The following GLIS3 variants were observed in gnomAD, a reference collection of about 807,000 sequenced individuals.
The protein encoded by GLIS3 is GLIS family zinc finger 3.
GLIS3 carries 53 observed loss-of-function variants against 78.6 expected under a neutral mutation model. The observed-to-expected ratio is 0.67, with a 90% confidence interval of 0.54 to 0.85. The LOEUF (loss-of-function observed/expected upper bound fraction) is 0.85, where lower values mean the gene tolerates loss of function less well. GLIS3 is among the 40% of genes least tolerant of loss of function. GLIS3 has a pLI of 0.00. For missense variants in GLIS3, 1,703 were observed against 1,231.1 expected, an observed-to-expected ratio of 1.38 and a Z score of -5.74; for synonymous variants, 684 against 509.9, an observed-to-expected ratio of 1.34 and a Z score of -4.60.
the GLIS3 span, among the ~76,000 whole-genome samples, chr9:4,401,571 CT>C: frequency 3.6e-3 from 434 of 120,418 alleles, no homozygotes; most frequent in Non-Finnish European, 3.7e-3. Flanking sequence ...TCCTTTCTTT[CT>C]TTTTTTTTTT....
At chr9:4,397,478 G>A in the GLIS3 span, among the ~76,000 whole-genome samples, 1 of 151,746 alleles carries the variant, frequency 6.6e-6, no homozygotes, top group African/African-American at 2.4e-5. Context: ...TAGGTGGGAT[G>A]TGTCCCACTG....
intron 2 of GLIS3, among the ~76,000 whole-genome samples, chr9:4,342,562 T>A (rs1817850151): frequency 6.6e-6 from 1 of 152,244 alleles, no homozygotes; most frequent in Non-Finnish European, 1.5e-5. Context: ...TGCTTAGAAT[T>A]GCTGTGGCTA....
chr9:4,411,557 G>C, the GLIS3 span, among the ~76,000 whole-genome samples: 2 of 152,196 alleles, frequency 1.3e-5, no homozygotes, highest in Non-Finnish European at 2.9e-5. Flanking sequence ...TTTGGAGATA[G>C]TGACATCCAT....
intron 7 of GLIS3, among the ~76,000 whole-genome samples, chr9:3,891,450 T>C (rs113151784): frequency 0.012 from 1,893 of 152,294 alleles, 37 homozygotes; most frequent in African/African-American, 0.042. Flanking sequence ...GCTTGTAATC[T>C]CAGAACTTTG....
the GLIS3 span, among the ~76,000 whole-genome samples, chr9:4,473,620 G>A: frequency 1.3e-5 from 2 of 152,098 alleles, no homozygotes; most frequent in East Asian, 3.9e-4. Context: ...GAAGGGAACA[G>A]CACACACTGG....
At chr9:4,236,204 A>AAAAAAAAAAG (rs536737911) in intron 2 of GLIS3, among the ~76,000 whole-genome samples, 1,206 of 86,194 alleles carry the variant, frequency 0.014, 2 homozygotes, top group East Asian at 0.048. Context: ...AAAAAAAAAA[A>AAAAAAAAAAG]AAAGAAAGAA....
In GLIS3 at chr9:3,824,691, T is replaced by C. The variant is rs1453829433; in HGVS notation, c.*3581A>G. 3 of 152,526 alleles carry C rather than the reference T, an allele frequency of 2.0e-5. No individual in the cohort carries two copies. 9.4% of individuals were successfully genotyped at this position (152,526 alleles called of 1,614,324 possible). A position where few individuals can be genotyped will look rare whatever the true frequency, so the allele number is the denominator to read the frequency against. ...CACCAGATGTGCCTCTAGAGTAAAA[T>C]CGGCCCCATATCCAGTATGATATAT... On this transcript the variant is annotated 3_prime_UTR_variant, in exon 11 of 11. Transcript: ENST00000381971.
intron 9 of GLIS3, chr9:3,855,695 A>ATTTC: frequency 2.7e-6 from 1 of 376,726 alleles, no homozygotes; most frequent in Non-Finnish European, 5.1e-6. Context: ...AACTCCTGTC[A>ATTTC]TTTCTTTCTC....
intron 2 of GLIS3, among the ~76,000 whole-genome samples, chr9:4,193,531 G>A (rs4741910): frequency 0.29 from 44,693 of 152,172 alleles, 7,201 homozygotes; most frequent in South Asian, 0.49. Context: ...AGACAGCTGA[G>A]AAAATGACAC....
chr9:4,071,457 T>G (rs1457344540), intron 4 of GLIS3: 1 of 152,224 alleles, frequency 6.6e-6, no homozygotes, highest in African/African-American at 2.4e-5. Flanking sequence ...TGAGATATGA[T>G]GGGGTTAGAT....
At chr9:4,177,285 T>A (rs556663845) in intron 2 of GLIS3, among the ~76,000 whole-genome samples, 4 of 152,332 alleles carry the variant, frequency 2.6e-5, no homozygotes, top group African/African-American at 9.6e-5. Context: ...GTTGGCAACA[T>A]ATGACCTCAA....
At chr9:4,264,316 T>C (rs1258501078) in intron 2 of GLIS3, among the ~76,000 whole-genome samples, 2 of 152,334 alleles carry the variant, frequency 1.3e-5, no homozygotes, top group East Asian at 3.9e-4. Flanking sequence ...ACCACCACCA[T>C]GATGCTAGTC....
In GLIS3 at chr9:3,825,499, TTTG is replaced by T. The variant is rs1168358913; in HGVS notation, c.*2770_*2772del. The stretch of plus-strand genomic sequence containing the variant: ...GTTTTCACAAGCACTAGTTTTGTGT[TTTG>T]TTTCTGTTTTTAAGGGGAATGACAA... On this transcript the variant is annotated 3_prime_UTR_variant, in exon 11 of 11. Transcript: ENST00000381971. The T allele has an allele frequency of 6.6e-6, 1 of 152,198 alleles. No individual in the cohort carries two copies. The highest frequency in any genetic ancestry group is 1.5e-5 in the Non-Finnish European group (1 of 68,046). 9.4% of individuals were successfully genotyped at this position (152,198 alleles called of 1,614,324 possible). A position where few individuals can be genotyped will look rare whatever the true frequency, so the allele number is the denominator to read the frequency against.
intron 2 of GLIS3, among the ~76,000 whole-genome samples, chr9:4,317,296 G>A (rs1335484543): frequency 6.6e-6 from 1 of 152,170 alleles, no homozygotes; most frequent in African/African-American, 2.4e-5. Flanking sequence ...CCTTACCCAT[G>A]CACTGGCTTC....
intron 2 of GLIS3, among the ~76,000 whole-genome samples, chr9:4,132,959 G>C (rs1833088043): frequency 6.6e-6 from 1 of 152,094 alleles, no homozygotes. Context: ...TAACTCATAA[G>C]GTTGTTCTGA....
chr9:4,438,220 T>A, the GLIS3 span, among the ~76,000 whole-genome samples: 1 of 152,196 alleles, frequency 6.6e-6, no homozygotes, highest in South Asian at 2.1e-4. Flanking sequence ...AGTATAATAA[T>A]GAGGCTAAAG....
chr9:4,193,184 T>C (rs1004717329), intron 2 of GLIS3, among the ~76,000 whole-genome samples: 1 of 152,258 alleles, frequency 6.6e-6, no homozygotes, highest in African/African-American at 2.4e-5. Context: ...GCGAGACTTT[T>C]GTATGGCCCT....
intron 9 of GLIS3, among the ~76,000 whole-genome samples, chr9:3,851,784 T>G (rs1588085733): frequency 6.6e-6 from 1 of 152,202 alleles, no homozygotes; most frequent in African/African-American, 2.4e-5. Flanking sequence ...CATTTCCCCA[T>G]GGAAAAATAT....
At chr9:4,380,903 G>C in the GLIS3 span, among the ~76,000 whole-genome samples, 2 of 152,156 alleles carry the variant, frequency 1.3e-5, no homozygotes, top group Admixed American at 1.3e-4. Context: ...ATCCACAGGA[G>C]CTAGTTAGTG....
Sources: allele counts gnomAD v4.1 joint callset (sites outside exome capture counted in the v4.1 genomes callset), GRCh38; gene constraint gnomAD v4.1.1; transcripts MANE v1.5; gene names NCBI Gene and HGNC (gene_info 2026-07-23, HGNC 2026-07-21).